The following C3orf70 variants were observed in gnomAD, a reference collection of about 807,000 sequenced individuals.
C3orf70 encodes chromosome 3 open reading frame 70, also known as UPF0524 protein C3orf70.
A neutral mutation model predicts 20.7 loss-of-function variants in C3orf70; 15 were observed. That is an observed-to-expected ratio of 0.72 (90% confidence interval 0.48 to 1.11). The LOEUF (loss-of-function observed/expected upper bound fraction) is 1.11. Ranked by LOEUF, C3orf70 falls within the 50% of genes most tolerant of loss-of-function variation. The pLI is 0.00. For missense variants in C3orf70, 332 were observed against 317.6 expected (o/e 1.05, Z -0.34); for synonymous variants, 161 against 125.7 (o/e 1.28, Z -1.88).
chr3:185,102,677 C>T (rs537774815), intron 1 of C3orf70, among the ~76,000 whole-genome samples: 1 of 152,162 alleles, frequency 6.6e-6, no homozygotes, highest in South Asian at 2.1e-4. Context: ...GTTATAGTAA[C>T]CAAAACAGCA....
intron 1 of C3orf70, among the ~76,000 whole-genome samples, chr3:185,128,314 G>A (rs1482841729): frequency 6.6e-6 from 1 of 152,144 alleles, no homozygotes; most frequent in Non-Finnish European, 1.5e-5. Context: ...GATCACCTGA[G>A]GTCAGGAGTT....
At chr3:185,127,280 G>A (rs1032292406) in intron 1 of C3orf70, among the ~76,000 whole-genome samples, 2 of 151,982 alleles carry the variant, frequency 1.3e-5, no homozygotes, top group South Asian at 2.1e-4. Flanking sequence ...AGATAAATAA[G>A]GTGTTACTGA....
At chr3:185,120,508 C>T (rs1441303005) in intron 1 of C3orf70, among the ~76,000 whole-genome samples, 1 of 151,966 alleles carries the variant, frequency 6.6e-6, no homozygotes, top group African/African-American at 2.4e-5. Context: ...CCAGAATCTA[C>T]AAGGAATTCA....
At chr3:185,140,058 G>A (rs1274970205) in intron 1 of C3orf70, among the ~76,000 whole-genome samples, 1 of 152,076 alleles carries the variant, frequency 6.6e-6, no homozygotes, top group Non-Finnish European at 1.5e-5. Context: ...ATACACATTG[G>A]ATTGGTCCAG....
intron 1 of C3orf70, among the ~76,000 whole-genome samples, chr3:185,117,602 T>C (rs1291505887): frequency 6.6e-6 from 1 of 152,236 alleles, no homozygotes; most frequent in African/African-American, 2.4e-5. Flanking sequence ...TCCACAGTAA[T>C]CTTTCTCAAG....
In C3orf70 at chr3:185,132,821, A is replaced by G. The variant is rs550938891; in HGVS notation, c.196+19807T>C. 1.8e-4 allele frequency among the ~76,000 whole-genome samples: 27 copies of G among 152,344 alleles called. No individual in the cohort carries two copies. The East Asian group carries it at 5.2e-3, about 29-fold the overall frequency. On this transcript the variant is annotated intron_variant, in intron 1 of 1. Coordinates refer to ENST00000335012, the MANE Select transcript of C3orf70 (RefSeq NM_001025266.3). Reference sequence around the variant, plus strand: ...ATCAAAAGAATTCCAATACAGACACACAGAGAAATGTAGAACACCAAAAAC... The same window carrying G: ...ATCAAAAGAATTCCAATACAGACACGCAGAGAAATGTAGAACACCAAAAAC...
At chr3:185,106,141 TAA>T (rs1715934438) in intron 1 of C3orf70, among the ~76,000 whole-genome samples, 2 of 152,300 alleles carry the variant, frequency 1.3e-5, no homozygotes, top group South Asian at 4.1e-4. Flanking sequence ...GCAACCGCTC[TAA>T]GTTTTATTCA....
intron 1 of C3orf70, among the ~76,000 whole-genome samples, chr3:185,106,792 T>G (rs972858271): frequency 5.9e-5 from 9 of 152,210 alleles, no homozygotes; most frequent in African/African-American, 2.2e-4. Flanking sequence ...TGTGGACCCT[T>G]GCCAGCAGGG....
rs1055904814 is a variant in C3orf70, at chr3:185,152,875, C to G, written c.-52G>C. 3 of 1,433,090 alleles carry G rather than the reference C, an allele frequency of 2.1e-6. No homozygotes were observed. Among genetic ancestry groups the G allele is most frequent in the Middle Eastern group, 2.4e-4 (1 of 4,228 alleles). 88.8% of individuals were successfully genotyped at this position (1,433,090 alleles called of 1,614,324 possible). On this transcript the variant is annotated 5_prime_UTR_variant, in exon 1 of 2. Coordinates refer to ENST00000335012, the MANE Select transcript of C3orf70 (RefSeq NM_001025266.3). Reference sequence around the variant, plus strand: ...ACCGGGAGCCCGGGAGAAGCGACGTCTGGGTGGGCAGGAAGCCGAGCCGGC... The same window carrying G: ...ACCGGGAGCCCGGGAGAAGCGACGTGTGGGTGGGCAGGAAGCCGAGCCGGC...
Position 185,112,163 on chromosome 3 carries a change from G to A in C3orf70, c.197-28600C>T, listed in dbSNP as rs140373506. Among the ~76,000 whole-genome samples, 1,168 of 152,176 alleles carry A rather than the reference G, an allele frequency of 7.7e-3. 15 individuals are homozygous for A. The highest frequency in any genetic ancestry group is 0.027 in the African/African-American group (1,122 of 41,516). On this transcript the variant is annotated intron_variant, in intron 1 of 1. Coordinates refer to ENST00000335012, the MANE Select transcript of C3orf70 (RefSeq NM_001025266.3). ...AAAAAATAAGCCAGGTGTGGTGGGC[G>A]CCTGTAATCCCAGCTACTTGGGAAG...
chr3:185,114,690 G>A lies in C3orf70; in HGVS notation c.197-31127C>T, dbSNP rs568402501. On this transcript the variant is annotated intron_variant, in intron 1 of 1. Transcript: ENST00000335012. ...ATATTTGAAACCATAGAAGCATAGGGTTTTACTGACTGAAAAAACCTTGGA... is the reference window on the plus strand; with the variant it reads ...ATATTTGAAACCATAGAAGCATAGGATTTTACTGACTGAAAAAACCTTGGA... Among the ~76,000 whole-genome samples, 27 of 152,234 alleles carry A rather than the reference G, an allele frequency of 1.8e-4. No homozygotes were observed. In the East Asian group the frequency reaches 2.9e-3, roughly 16 times the overall value.
At chr3:185,128,203 T>G (rs1418823648) in intron 1 of C3orf70, among the ~76,000 whole-genome samples, 1 of 152,110 alleles carries the variant, frequency 6.6e-6, no homozygotes. Flanking sequence ...CTTTAGTGAG[T>G]GCTTTTGTAA....
At chr3:185,127,206 C>A (rs1451080137) in intron 1 of C3orf70, among the ~76,000 whole-genome samples, 1 of 152,018 alleles carries the variant, frequency 6.6e-6, no homozygotes, top group African/African-American at 2.4e-5. Flanking sequence ...TTCATTTTGA[C>A]AGAACTAAAA....
chr3:185,152,529 C>G (rs1717012140), intron 1 of C3orf70, 99 bp downstream of exon 1: 1 of 1,117,080 alleles, frequency 9.0e-7, no homozygotes, highest in Non-Finnish European at 1.2e-6. Flanking sequence ...CGGCAGAGCC[C>G]GGAGCCCCGC....
At chr3:185,096,872 C>T (rs888152018) in intron 1 of C3orf70, among the ~76,000 whole-genome samples, 6 of 152,098 alleles carry the variant, frequency 3.9e-5, no homozygotes, top group African/African-American at 7.2e-5. Context: ...TGCAGAGGGC[C>T]GCTTCCTGCT....
intron 1 of C3orf70, among the ~76,000 whole-genome samples, chr3:185,131,698 C>A (rs1260077976): frequency 6.6e-6 from 1 of 152,048 alleles, no homozygotes; most frequent in Admixed American, 6.6e-5. Context: ...CAGGCAGAAA[C>A]CCAAGTAAAA....
chr3:185,086,604 TTTG>T (rs1306856928), intron 1 of C3orf70, among the ~76,000 whole-genome samples: 2 of 152,196 alleles, frequency 1.3e-5, no homozygotes, highest in African/African-American at 4.8e-5. Context: ...GAAATACACG[TTTG>T]TTGTTTAAGC....
At chr3:185,152,336 A>G (rs555270043) in intron 1 of C3orf70, among the ~76,000 whole-genome samples, 23 of 152,316 alleles carry the variant, frequency 1.5e-4, no homozygotes, top group South Asian at 4.2e-4. Flanking sequence ...GAAAAGAAAA[A>G]AAACCAGATT....
intron 1 of C3orf70, among the ~76,000 whole-genome samples, chr3:185,133,962 G>A (rs139537789): frequency 6.6e-6 from 1 of 152,100 alleles, no homozygotes; most frequent in Non-Finnish European, 1.5e-5. Context: ...GGTGGTGCAT[G>A]CCTATAGTCC....
Sources: allele counts gnomAD v4.1 joint callset (sites outside exome capture counted in the v4.1 genomes callset), GRCh38; gene constraint gnomAD v4.1.1; transcripts MANE v1.5; gene names NCBI Gene and HGNC (gene_info 2026-07-23, HGNC 2026-07-21).